Variants in BANP observed in about 807,000 individuals in gnomAD.
The protein encoded by BANP is BTG3 associated nuclear protein.
BANP carries 11 observed loss-of-function variants against 68.1 expected under a neutral mutation model. That is an observed-to-expected ratio of 0.16 (90% confidence interval 0.10 to 0.27). The LOEUF is 0.27. Ranked by LOEUF, BANP falls within the 10% of genes least tolerant of loss-of-function variation. The pLI, the probability that BANP is intolerant of heterozygous loss-of-function variation, is 1.00. For missense variants in BANP, 504 were observed against 722.7 expected, an observed-to-expected ratio of 0.70 and a Z score of 3.47; for synonymous variants, 329 against 303.2, an observed-to-expected ratio of 1.09 and a Z score of -0.88.
At chr16:87,995,824 G>A (rs775010700) in intron 4 of BANP, among the ~76,000 whole-genome samples, 6 of 152,236 alleles carry the variant, frequency 3.9e-5, no homozygotes, top group African/African-American at 9.6e-5. Context: ...GGGCTCGGCG[G>A]GGCGCCAAGG....
rs367786986 is a variant in BANP, at chr16:88,035,291, C to T, written c.1201-32C>T. ...TGTTTCCTTTGCTTTTGATTTTCTT[C>T]TGATGCTTCTTGGTGTCTTTTCTTG... is the stretch of plus-strand genomic sequence containing the variant. On this transcript the variant is annotated intron_variant, in intron 9 of 13. Transcript: ENST00000682872. The T allele has an allele frequency of 1.3e-4, 204 of 1,568,720 alleles. 1 individual carries two copies. The African/African-American group carries it at 2.5e-3, about 19-fold the overall frequency.
At chr16:88,062,575 A>C (rs530228682) in intron 11 of BANP, among the ~76,000 whole-genome samples, 1 of 152,266 alleles carries the variant, frequency 6.6e-6, no homozygotes, top group South Asian at 2.1e-4. Flanking sequence ...CACTGTCCCC[A>C]ACCAAGCCTC....
At chr16:88,052,991 T>C (rs796971216) in intron 11 of BANP, among the ~76,000 whole-genome samples, 4 of 149,214 alleles carry the variant, frequency 2.7e-5, no homozygotes, top group African/African-American at 9.9e-5. Flanking sequence ...CAACCACTTC[T>C]ACCACTACCA....
At chr16:88,053,663 TCACCAC>T (rs773231334) in intron 11 of BANP, among the ~76,000 whole-genome samples, 3 of 93,886 alleles carry the variant, frequency 3.2e-5, no homozygotes, top group South Asian at 3.9e-4. Context: ...ACAGTCACCT[TCACCAC>T]CACCACCACC....
At chr16:87,972,952 G>T (rs551693129) in intron 1 of BANP, among the ~76,000 whole-genome samples, 1 of 152,162 alleles carries the variant, frequency 6.6e-6, no homozygotes, top group African/African-American at 2.4e-5. Flanking sequence ...TGCTGCTCTC[G>T]GCCTGGCTCC....
chr16:87,987,093 CT>C (rs1204546021), intron 4 of BANP, among the ~76,000 whole-genome samples: 1 of 151,772 alleles, frequency 6.6e-6, no homozygotes, highest in African/African-American at 2.4e-5. Flanking sequence ...GAATGGTTTC[CT>C]TTTTTTTGAG....
At chr16:88,020,597 C>T (rs994340149) in intron 7 of BANP, among the ~76,000 whole-genome samples, 1 of 152,202 alleles carries the variant, frequency 6.6e-6, no homozygotes, top group African/African-American at 2.4e-5. Flanking sequence ...AGGTTGGAGG[C>T]GCAGCCTGGA....
rs982071397 is a variant in BANP, at chr16:88,018,028, C to T, written c.656-400C>T. On this transcript the variant is annotated intron_variant, in intron 6 of 13. Transcript: ENST00000682872. The surrounding 1 kb of genome is among the most constrained non-coding windows in gnomAD (Gnocchi z 7.7). ...GTGGCTGGCCAGTGGGAGAGCATGG[C>T]TGGCAGTGAGGTGTGAGGGACCCCG... Among the ~76,000 whole-genome samples the T allele has an allele frequency of 5.9e-5, 9 of 152,068 alleles. No individual in the cohort carries two copies. Among genetic ancestry groups the T allele is most frequent in the African/African-American group, 2.2e-4 (9 of 41,406 alleles).
At chr16:87,958,527 A>T (rs562152270) in intron 1 of BANP, among the ~76,000 whole-genome samples, 1 of 152,280 alleles carries the variant, frequency 6.6e-6, no homozygotes, top group East Asian at 1.9e-4. Flanking sequence ...TAGTGTATAA[A>T]GTACTTTTTA....
At chr16:87,962,751 C>G (rs1395519686) in intron 1 of BANP, among the ~76,000 whole-genome samples, 1 of 152,172 alleles carries the variant, frequency 6.6e-6, no homozygotes, top group African/African-American at 2.4e-5. Context: ...GAGAAGTGTT[C>G]TTGCTTCTTT....
intron 4 of BANP, among the ~76,000 whole-genome samples, chr16:87,991,823 A>G (rs1292312128): frequency 6.6e-6 from 1 of 152,202 alleles, no homozygotes; most frequent in Non-Finnish European, 1.5e-5. Context: ...TGTTACCTTT[A>G]AATAGAATTT....
At position 88,004,218 on chromosome 16, in the gene BANP, A is replaced by G; in HGVS notation, c.363-77A>G. 5 of 901,540 alleles carry G rather than the reference A, an allele frequency of 5.5e-6. No homozygotes were observed. The highest frequency in any genetic ancestry group is 2.1e-4 in the Middle Eastern group (1 of 4,762). 55.8% of individuals were successfully genotyped at this position (901,540 alleles called of 1,614,324 possible). ...GGTCCCTGGGAGTGGACTGTGTTGAATGACTCTTATGTGCTCTTACCATGA... is the reference window on the plus strand; with the variant it reads ...GGTCCCTGGGAGTGGACTGTGTTGAGTGACTCTTATGTGCTCTTACCATGA... On this transcript the variant is annotated intron_variant, in intron 4 of 13. Transcript: ENST00000682872. The surrounding 1 kb of genome is among the most constrained non-coding windows in gnomAD (Gnocchi z 7.0).
intron 11 of BANP, among the ~76,000 whole-genome samples, chr16:88,054,299 T>TCATCAC (rs1273442236): frequency 1.0e-5 from 1 of 97,048 alleles, no homozygotes; most frequent in Admixed American, 9.8e-5. Context: ...TCCATCATCA[T>TCATCAC]CACCAACACA....
At chr16:88,055,431 A>C (rs1019544301) in intron 11 of BANP, among the ~76,000 whole-genome samples, 1 of 152,220 alleles carries the variant, frequency 6.6e-6, no homozygotes, top group Non-Finnish European at 1.5e-5. Context: ...AGCTGACGGC[A>C]GGCTTGGTGA....
At chr16:87,962,238 T>TAAAAAAAAA (rs2059299805) in intron 1 of BANP, among the ~76,000 whole-genome samples, 1 of 18,806 alleles carries the variant, frequency 5.3e-5, no homozygotes, top group Non-Finnish European at 1.1e-4. Flanking sequence ...AGACTTGGTC[T>TAAAAAAAAA]CAAAAAAAAA....
chr16:87,978,473 G>A (rs144484723), intron 2 of BANP: 3 of 375,806 alleles, frequency 8.0e-6, no homozygotes, highest in South Asian at 3.9e-5. Context: ...AGTGAGAGTA[G>A]AGCCTTTGAC....
At chr16:87,973,047 G>A (rs116213227) in intron 1 of BANP, among the ~76,000 whole-genome samples, 1,744 of 152,016 alleles carry the variant, frequency 0.011, 31 homozygotes, top group African/African-American at 0.039. Flanking sequence ...TGTGTTTGGG[G>A]TTCTTGAGGA....
chr16:88,058,318 C>G (rs373666612), intron 11 of BANP, among the ~76,000 whole-genome samples: 5 of 152,152 alleles, frequency 3.3e-5, no homozygotes, highest in Non-Finnish European at 5.9e-5. Flanking sequence ...CAGGTGGGCC[C>G]GAGGAGGACG....
upstream of BANP, among the ~76,000 whole-genome samples, chr16:87,950,151 A>G (rs1268977928): frequency 1.3e-5 from 2 of 152,204 alleles, no homozygotes; most frequent in African/African-American, 2.4e-5. Flanking sequence ...TGCTGGGATT[A>G]CAGGCGTGAG....
Sources: gnomAD v4.1 joint callset for allele counts (sites outside exome capture counted in the v4.1 genomes callset) on GRCh38, gnomAD v4.1.1 for gene constraint, Gnocchi (gnomAD v3.1) non-coding constraint, MANE v1.5 for transcripts, NCBI Gene and HGNC (gene_info 2026-07-23, HGNC 2026-07-21) for gene names.